The following AHNAK variants were observed in gnomAD, a reference collection of about 807,000 sequenced individuals.
AHNAK encodes AHNAK nucleoprotein.
Under a neutral mutation model 37.8 loss-of-function variants are expected in AHNAK, and 23 were observed. That is an observed-to-expected ratio of 0.61 (90% confidence interval 0.44 to 0.86). The LOEUF (loss-of-function observed/expected upper bound fraction) is 0.86, where lower values mean the gene tolerates loss of function less well. Among genes scored for constraint, AHNAK ranks in the 40% least tolerant of loss-of-function variants. The probability of loss-of-function intolerance (pLI) is 0.00; values close to 1 mark genes in which losing one functional copy is unlikely to be tolerated. For synonymous variants in AHNAK, 2,481 were observed against 2,636.3 expected (o/e 0.94, Z 1.80); for missense variants, 7,411 against 7,319.4 (o/e 1.01, Z -0.46).
At chr11:62,490,434 C>T (rs180877244) in intron 5 of AHNAK, among the ~76,000 whole-genome samples, 38 of 152,118 alleles carry the variant, frequency 2.5e-4, no homozygotes, top group Admixed American at 9.2e-4. Flanking sequence ...CTCCTGACCT[C>T]GTGATCCTCC....
intron 5 of AHNAK, among the ~76,000 whole-genome samples, chr11:62,488,115 C>T (rs1465314712): frequency 6.6e-6 from 1 of 152,220 alleles, no homozygotes; most frequent in East Asian, 1.9e-4. Flanking sequence ...TTTAATTCTG[C>T]CACCTTCCGT....
intron 4 of AHNAK, among the ~76,000 whole-genome samples, chr11:62,500,551 C>T (rs974288387): frequency 1.3e-5 from 2 of 152,230 alleles, no homozygotes; most frequent in Non-Finnish European, 2.9e-5. Context: ...GATGATGACA[C>T]ACAGGGCGTG....
chr11:62,490,347 G>A (rs186443958), intron 5 of AHNAK, among the ~76,000 whole-genome samples: 16 of 151,748 alleles, frequency 1.1e-4, no homozygotes, highest in Middle Eastern at 3.4e-3. Flanking sequence ...GATTACAGGC[G>A]TGCGCCACCA....
In AHNAK at chr11:62,516,396, C is replaced by A; in HGVS notation, c.*348G>T. 7.9e-7 allele frequency: 1 copy of A among 1,259,214 alleles called. No individual in the cohort carries two copies. Among genetic ancestry groups the A allele is most frequent in the Non-Finnish European group, 1.0e-6 (1 of 974,972 alleles). The allele number at this position is 1,259,214 out of a possible 1,614,324, so 78.0% of individuals were successfully genotyped here. A position where few individuals can be genotyped will look rare whatever the true frequency, so the allele number is the denominator to read the frequency against. Reference sequence around the variant, plus strand: ...ATGAAAAAGTGGGTTTCCATTACCCCAAAACTAACAATGTTCAGTAAAAAT... The same window carrying A: ...ATGAAAAAGTGGGTTTCCATTACCCAAAAACTAACAATGTTCAGTAAAAAT... On this transcript the variant is annotated 3_prime_UTR_variant, in exon 5 of 5. Coordinates refer to ENST00000378024, the MANE Select transcript of AHNAK (RefSeq NM_001620.3).
intron 5 of AHNAK, among the ~76,000 whole-genome samples, chr11:62,476,512 C>A (rs1448695719): frequency 6.6e-6 from 1 of 152,130 alleles, no homozygotes; most frequent in Non-Finnish European, 1.5e-5. Context: ...TAAACCTACA[C>A]GAGAAGTTCC....
At chr11:62,502,823 T>C (rs1264145287) in intron 4 of AHNAK, among the ~76,000 whole-genome samples, 1 of 152,042 alleles carries the variant, frequency 6.6e-6, no homozygotes, top group Non-Finnish European at 1.5e-5. Flanking sequence ...GAAGAGTATG[T>C]TAAAAGAGTA....
In AHNAK at chr11:62,531,781, T is replaced by C. The variant is rs138667172; in HGVS notation, c.2636A>G (p.Lys879Arg). The change falls in exon 5 of 5, where the codon AAG becomes AGG. Residue 879 changes from lysine (K) to arginine (R), a missense_variant. By Grantham distance (26) the Lys-to-Arg change is conservative (BLOSUM62 2). Transcript: ENST00000378024. The stretch of plus-strand genomic sequence containing the variant: ...CATGCTGAACTTGGGCATTTTCATC[T>C]TGGGCATCTTCAGGTGCCAGTCTGG... ...QGPDWHLKMP[K>R]MKMPKFSMPG... 6.1e-5 allele frequency: 99 copies of C among 1,613,626 alleles called. 1 individual carries two copies. In the African/African-American group the frequency reaches 1.2e-3, roughly 19 times the overall value.
At chr11:62,546,523 CT>C (rs1431142429) in intron 1 of AHNAK, 136 bp downstream of exon 1, 1 of 152,312 alleles carries the variant, frequency 6.6e-6, no homozygotes, top group East Asian at 1.9e-4. Context: ...GGTGGCCCCG[CT>C]TGCTCCAAAC....
chr11:62,483,734 C>A (rs1473396290), intron 5 of AHNAK, among the ~76,000 whole-genome samples: 3 of 152,238 alleles, frequency 2.0e-5, no homozygotes, highest in East Asian at 3.9e-4. Context: ...TGGCTGGCAC[C>A]TGTAGTCCCA....
In AHNAK at chr11:62,527,772, C is replaced by T. The variant is rs367622587; in HGVS notation, c.6645G>A (p.Val2215=). ...SVPKVEGEMK[V]PDVDIRGPKV... ...TGGGCCCTCTGATGTCAACATCTGGCACTTTCATTTCACCTTCTACCTTGG... is the reference window on the plus strand; with the variant it reads ...TGGGCCCTCTGATGTCAACATCTGGTACTTTCATTTCACCTTCTACCTTGG... The change falls in exon 5 of 5, where the codon GTG becomes GTA. Residue 2215 remains valine, a synonymous_variant. Coordinates refer to ENST00000378024, the MANE Select transcript of AHNAK (RefSeq NM_001620.3). The T allele has an allele frequency of 7.6e-5, 122 of 1,613,806 alleles. No individual in the cohort carries two copies. The highest frequency in any genetic ancestry group is 9.9e-5 in the Non-Finnish European group (117 of 1,179,998).
In AHNAK at chr11:62,473,991, C is replaced by A. The variant is rs1466690643; in HGVS notation, c.442+17741G>T. ...CTCCAGCCTGGATGACAGAGTGATA[C>A]CCTGTCTCAAAAAAAAAAAATAGGT... On this transcript the variant is annotated intron_variant, in intron 5 of 5. Transcript: ENST00000257247. Among the ~76,000 whole-genome samples the A allele has an allele frequency of 3.3e-5, 5 of 150,976 alleles. No individual in the cohort carries two copies. In the South Asian group the frequency reaches 1.0e-3, roughly 32 times the overall value.
chr11:62,448,582 C>A (rs1276565473), intron 5 of AHNAK, among the ~76,000 whole-genome samples: 1 of 152,048 alleles, frequency 6.6e-6, no homozygotes, highest in South Asian at 2.1e-4. Context: ...CGGGCTGATA[C>A]TATTTGTTGA....
At position 62,528,228 on chromosome 11, in the gene AHNAK, T is replaced by C. The variant is rs749469602; in HGVS notation, c.6189A>G (p.Ala2063=). Residue 2063 remains alanine (A), a synonymous_variant, in exon 5 of 5, where the codon GCA becomes GCG. Coordinates refer to ENST00000378024, the MANE Select transcript of AHNAK (RefSeq NM_001620.3). ...MPKFSMPGFK[A]EGPEVDVNLP... ...AGTTCACATCCACTTCTGGGCCCTC[T>C]GCTTTGAAGCCAGGCATGCTGAACT... 5 of 1,614,138 alleles carry C rather than the reference T, an allele frequency of 3.1e-6. No individual in the cohort carries two copies. The highest frequency in any genetic ancestry group is 4.2e-6 in the Non-Finnish European group (5 of 1,180,020).
At chr11:62,489,655 T>G (rs1939463004) in intron 5 of AHNAK, among the ~76,000 whole-genome samples, 1 of 151,676 alleles carries the variant, frequency 6.6e-6, no homozygotes, top group Non-Finnish European at 1.5e-5. Flanking sequence ...AGGACGGGGA[T>G]GGAGAGACAG....
Position 62,472,301 on chromosome 11 carries a change from C to T in AHNAK, c.442+19431G>A, listed in dbSNP as rs138404223. Among the ~76,000 whole-genome samples, 655 of 152,214 alleles carry T rather than the reference C, an allele frequency of 4.3e-3. 24 individuals are homozygous for T. The South Asian group carries it at 0.1, about 24-fold the overall frequency. ...CAGCCAGACACCCACCTGACCCAGACCCTCCCCACTGCTGGCCTTCCTTTA... is the reference window on the plus strand; with the variant it reads ...CAGCCAGACACCCACCTGACCCAGATCCTCCCCACTGCTGGCCTTCCTTTA... On this transcript the variant is annotated intron_variant, in intron 5 of 5. Coordinates refer to the AHNAK transcript ENST00000257247.
rs572462493 is a variant in AHNAK, at chr11:62,517,917, A to G, written c.16500T>C (p.Ser5500=). The G allele has an allele frequency of 4.3e-6, 7 of 1,614,172 alleles. No individual in the cohort carries two copies. The African/African-American group carries it at 9.3e-5, about 22-fold the overall frequency. Residue 5500 remains serine (S), a synonymous_variant, in exon 5 of 5, where the codon TCT becomes TCC. Coordinates refer to ENST00000378024, the MANE Select transcript of AHNAK (RefSeq NM_001620.3). ...GNLQMPGIKS[S]GCDVNLPGVN... ...CGCCTGGCAGGTTCACATCACATCC[A>G]GAGGACTTAATTCCAGGCATCTGGA...
At chr11:62,459,294 GA>G (rs1938736056) in intron 5 of AHNAK, among the ~76,000 whole-genome samples, 1 of 152,162 alleles carries the variant, frequency 6.6e-6, no homozygotes, top group African/African-American at 2.4e-5. Context: ...CAGGGCACTG[GA>G]AATGGATCCT....
intron 4 of AHNAK, among the ~76,000 whole-genome samples, chr11:62,499,821 G>A (rs967581004): frequency 3.3e-5 from 5 of 152,256 alleles, no homozygotes; most frequent in Non-Finnish European, 5.9e-5. Context: ...GTGGAAGGAA[G>A]TCCATGTAAG....
intron 4 of AHNAK, among the ~76,000 whole-genome samples, chr11:62,498,617 A>C (rs1400517604): frequency 2.0e-5 from 3 of 151,522 alleles, no homozygotes; most frequent in Non-Finnish European, 4.4e-5. Flanking sequence ...AAAAAAAAGA[A>C]ATTTTTTTTT....
Sources: gnomAD v4.1 joint callset for allele counts (sites outside exome capture counted in the v4.1 genomes callset) on GRCh38, gnomAD v4.1.1 for gene constraint, MANE v1.5 for transcripts, NCBI Gene and HGNC (gene_info 2026-07-23, HGNC 2026-07-21) for gene names.